Variants in ARB2A observed in about 807,000 individuals in gnomAD.
ARB2A encodes the protein cotranscriptional regulator ARB2A.
At chr5:94,058,932 G>A in the ARB2A span, among the ~76,000 whole-genome samples, 1 of 151,974 alleles carries the variant, frequency 6.6e-6, no homozygotes. Context: ...TTAAAAGAAG[G>A]TGGCACCTCT....
chr5:94,043,045 G>A, the ARB2A span, among the ~76,000 whole-genome samples: 1 of 151,946 alleles, frequency 6.6e-6, no homozygotes, highest in Admixed American at 6.6e-5. Context: ...TTGTTGTCTT[G>A]TTTTAATCCT....
the ARB2A span, among the ~76,000 whole-genome samples, chr5:93,652,501 T>C: frequency 6.6e-6 from 1 of 152,210 alleles, no homozygotes; most frequent in East Asian, 1.9e-4. Context: ...AGAGAATCTT[T>C]AGGAAATTGG....
At chr5:93,871,600 G>A in the ARB2A span, among the ~76,000 whole-genome samples, 1 of 152,110 alleles carries the variant, frequency 6.6e-6, no homozygotes. Flanking sequence ...AGGAAATATA[G>A]AAGCAAGTAT....
the ARB2A span, among the ~76,000 whole-genome samples, chr5:93,881,996 A>G: frequency 1.3e-5 from 2 of 151,434 alleles, no homozygotes; most frequent in African/African-American, 4.8e-5. Flanking sequence ...TGACTGAAAT[A>G]AATTAGCAAA....
At chr5:93,809,600 A>C in the ARB2A span, among the ~76,000 whole-genome samples, 2 of 152,056 alleles carry the variant, frequency 1.3e-5, no homozygotes, top group African/African-American at 2.4e-5. Context: ...ATGTGGGGAA[A>C]GCATAGAGAT....
chr5:93,691,151 G>A, the ARB2A span, among the ~76,000 whole-genome samples: 1 of 151,872 alleles, frequency 6.6e-6, no homozygotes, highest in African/African-American at 2.4e-5. Flanking sequence ...GGCCAGCAAG[G>A]GAACAAAACA....
At chr5:93,966,073 G>A in the ARB2A span, among the ~76,000 whole-genome samples, 1 of 151,974 alleles carries the variant, frequency 6.6e-6, no homozygotes, top group East Asian at 1.9e-4. Context: ...TAGTGGTACT[G>A]TAGACTTATA....
chr5:93,807,162 G>T, the ARB2A span, among the ~76,000 whole-genome samples: 1 of 151,942 alleles, frequency 6.6e-6, no homozygotes, highest in Non-Finnish European at 1.5e-5. Flanking sequence ...ATAGGTTGGA[G>T]GTAATGGGCA....
chr5:93,820,582 T>C, the ARB2A span, among the ~76,000 whole-genome samples: 3 of 152,324 alleles, frequency 2.0e-5, no homozygotes, highest in Non-Finnish European at 4.4e-5. Flanking sequence ...TGCATTCTAA[T>C]TATGGTTAAT....
At chr5:93,633,064 T>G in the ARB2A span, among the ~76,000 whole-genome samples, 1 of 152,164 alleles carries the variant, frequency 6.6e-6, no homozygotes, top group Non-Finnish European at 1.5e-5. Flanking sequence ...ACTGAGTTCT[T>G]CACTTCTACA....
the ARB2A span, among the ~76,000 whole-genome samples, chr5:93,676,787 C>T: frequency 2.0e-5 from 3 of 152,162 alleles, no homozygotes; most frequent in African/African-American, 7.2e-5. Context: ...ACTTTAAGCT[C>T]CAGGAGAGCA....
the ARB2A span, among the ~76,000 whole-genome samples, chr5:93,657,904 T>TATTATAGTAAA: frequency 6.6e-6 from 1 of 152,170 alleles, no homozygotes; most frequent in African/African-American, 2.4e-5. Context: ...TAGAAATCTT[T>TATTATAGTAAA]CAGCTAAAAA....
chr5:93,739,695 T>C, the ARB2A span: 1 of 152,156 alleles, frequency 6.6e-6, no homozygotes, highest in African/African-American at 2.4e-5. Flanking sequence ...TGACGTTTAA[T>C]GGCAAAAACC....
chr5:93,924,198 A>G, the ARB2A span, among the ~76,000 whole-genome samples: 3 of 152,138 alleles, frequency 2.0e-5, no homozygotes, highest in African/African-American at 7.2e-5. Context: ...TCATTTTTGA[A>G]ACCACTAACA....
the ARB2A span, among the ~76,000 whole-genome samples, chr5:93,682,109 A>G: frequency 1.3e-5 from 2 of 152,288 alleles, no homozygotes; most frequent in South Asian, 4.1e-4. Flanking sequence ...TTTTATCCCA[A>G]TGCAGAAGGT....
chr5:93,775,181 T>C, the ARB2A span, among the ~76,000 whole-genome samples: 1 of 152,178 alleles, frequency 6.6e-6, no homozygotes, highest in Non-Finnish European at 1.5e-5. Context: ...TAGGTATTAA[T>C]GACAGTGACG....
At chr5:94,078,595 C>T in the ARB2A span, among the ~76,000 whole-genome samples, 2 of 152,024 alleles carry the variant, frequency 1.3e-5, no homozygotes, top group African/African-American at 2.4e-5. Flanking sequence ...GCCCCTGGTG[C>T]GTAGAAAATG....
chr5:93,927,463 C>T, the ARB2A span, among the ~76,000 whole-genome samples: 1 of 152,128 alleles, frequency 6.6e-6, no homozygotes, highest in Non-Finnish European at 1.5e-5. Context: ...CCCCGGACAG[C>T]CATAAAAAGT....
chr5:93,988,415 G>A, the ARB2A span, among the ~76,000 whole-genome samples: 3 of 152,060 alleles, frequency 2.0e-5, no homozygotes, highest in South Asian at 4.1e-4. Flanking sequence ...CTCAGAAGTG[G>A]CAGGATCTTT....
Sources: gnomAD v4.1 joint callset for allele counts (sites outside exome capture counted in the v4.1 genomes callset) on GRCh38, gnomAD v4.1.1 for gene constraint, MANE v1.5 for transcripts, NCBI Gene and HGNC (gene_info 2026-07-23, HGNC 2026-07-21) for gene names.